PITPNC1: variants seen among roughly 807,000 people sequenced by gnomAD.
The protein encoded by PITPNC1 is cytoplasmic phosphatidylinositol transfer protein 1.
In PITPNC1, 18 loss-of-function variants were observed where a neutral mutation model predicts 44.7. That is an observed-to-expected ratio of 0.40 (90% CI 0.28 to 0.60). PITPNC1 has a LOEUF of 0.60. PITPNC1 is among the 20% of genes least tolerant of loss of function. The probability of loss-of-function intolerance (pLI) is 0.39; values close to 1 mark genes in which losing one functional copy is unlikely to be tolerated. For synonymous variants in PITPNC1, 141 were observed against 149.6 expected (o/e 0.94, Z 0.42); for missense variants, 290 against 418.4 (o/e 0.69, Z 2.68).
intron 1 of PITPNC1, among the ~76,000 whole-genome samples, chr17:67,426,581 G>A (rs1431965297): frequency 6.6e-6 from 1 of 151,914 alleles, no homozygotes; most frequent in East Asian, 1.9e-4. Context: ...ACACAGGGAG[G>A]GGAACAACAC....
chr17:67,674,759 A>T (rs752487249), intron 7 of PITPNC1, among the ~76,000 whole-genome samples: 56 of 152,198 alleles, frequency 3.7e-4, no homozygotes, highest in Admixed American at 1.0e-3. Context: ...CACATCTGTG[A>T]TCCCGGCAGT....
At chr17:67,629,013 C>A (rs1359266524) in intron 5 of PITPNC1, among the ~76,000 whole-genome samples, 4 of 152,110 alleles carry the variant, frequency 2.6e-5, no homozygotes, top group Non-Finnish European at 2.9e-5. Context: ...ATAAGGGCGA[C>A]TTTGGAGCTA....
intron 1 of PITPNC1, among the ~76,000 whole-genome samples, chr17:67,482,711 G>C (rs2144029831): frequency 6.6e-6 from 1 of 152,284 alleles, no homozygotes; most frequent in South Asian, 2.1e-4. Flanking sequence ...AGGAAAATCT[G>C]GTTTCGGAAG....
At chr17:67,647,511 C>T (rs1453586280) in intron 6 of PITPNC1, among the ~76,000 whole-genome samples, 6 of 106,122 alleles carry the variant, frequency 5.7e-5, no homozygotes, top group African/African-American at 2.3e-4. Context: ...CGGGGTTTCA[C>T]CATGTTAGGT....
intron 2 of PITPNC1, among the ~76,000 whole-genome samples, chr17:67,545,836 T>C (rs1444888756): frequency 1.3e-5 from 2 of 152,034 alleles, no homozygotes; most frequent in Admixed American, 1.3e-4. Context: ...GGGGTTGCAA[T>C]AGTGAACAGA....
chr17:67,634,718 T>G (rs1020927463), intron 6 of PITPNC1, among the ~76,000 whole-genome samples: 4 of 152,010 alleles, frequency 2.6e-5, no homozygotes, highest in African/African-American at 7.2e-5. Context: ...ATAAGGAAAC[T>G]GAATTTAAGA....
At chr17:67,463,887 C>T (rs11651730) in intron 1 of PITPNC1, among the ~76,000 whole-genome samples, 3,814 of 150,868 alleles carry the variant, frequency 0.025, 76 homozygotes, top group Non-Finnish European at 0.04. Flanking sequence ...GAGTGAGACC[C>T]CATTTCAAAA....
At chr17:67,664,589 C>G (rs773185078) in intron 6 of PITPNC1, among the ~76,000 whole-genome samples, 1 of 151,994 alleles carries the variant, frequency 6.6e-6, no homozygotes, top group Admixed American at 6.6e-5. Context: ...TGTTTCTCGG[C>G]GACCTGTATA....
intron 6 of PITPNC1, among the ~76,000 whole-genome samples, chr17:67,640,579 C>A (rs1233418401): frequency 1.3e-5 from 2 of 150,306 alleles, no homozygotes; most frequent in African/African-American, 4.9e-5. Context: ...ACTCAGGAGG[C>A]TGAGGCAGGA....
intron 5 of PITPNC1, 57 bp downstream of exon 5, chr17:67,578,314 A>G: frequency 8.5e-7 from 1 of 1,183,404 alleles, no homozygotes; most frequent in Non-Finnish European, 1.3e-6. Flanking sequence ...ATATCACAGC[A>G]CTTCTCACAG....
chr17:67,390,223 G>C (rs530033494), intron 1 of PITPNC1, among the ~76,000 whole-genome samples: 3 of 152,318 alleles, frequency 2.0e-5, no homozygotes, highest in East Asian at 3.9e-4. Context: ...ACCAGATTTG[G>C]ACCAGAATGA....
At chr17:67,494,353 C>G (rs1222669559) in intron 1 of PITPNC1, among the ~76,000 whole-genome samples, 1 of 151,822 alleles carries the variant, frequency 6.6e-6, no homozygotes, top group Non-Finnish European at 1.5e-5. Flanking sequence ...GCACCTGCTA[C>G]CACGTCTGGC....
chr17:67,474,483 C>T (rs2039597042), intron 1 of PITPNC1, among the ~76,000 whole-genome samples: 2 of 152,102 alleles, frequency 1.3e-5, no homozygotes, highest in South Asian at 2.1e-4. Context: ...TGTGTCGCAG[C>T]ATCCCTGGCC....
chr17:67,476,537 AT>A (rs1239941215), intron 1 of PITPNC1, among the ~76,000 whole-genome samples: 2 of 152,194 alleles, frequency 1.3e-5, no homozygotes, highest in African/African-American at 2.4e-5. Context: ...AAGAGCTGGA[AT>A]TAGTTCAGCC....
intron 5 of PITPNC1, among the ~76,000 whole-genome samples, chr17:67,582,757 C>T (rs2706702): frequency 0.44 from 66,596 of 152,038 alleles, 15,289 homozygotes; most frequent in South Asian, 0.61. Context: ...ATGAGAATTA[C>T]TTGGGCCTTC....
At chr17:67,599,029 TA>T (rs1252093665) in intron 5 of PITPNC1, among the ~76,000 whole-genome samples, 18 of 31,322 alleles carry the variant, frequency 5.7e-4, no homozygotes, top group East Asian at 4.2e-3. Context: ...TATATATATA[TA>T]TATATTTTTT....
intron 1 of PITPNC1, among the ~76,000 whole-genome samples, chr17:67,482,681 G>C (rs1371138764): frequency 6.6e-6 from 1 of 152,090 alleles, no homozygotes; most frequent in Non-Finnish European, 1.5e-5. Context: ...GGAACCATTT[G>C]GTGCTTTGGT....
chr17:67,503,840 T>C (rs2040067305), intron 1 of PITPNC1, among the ~76,000 whole-genome samples: 1 of 152,154 alleles, frequency 6.6e-6, no homozygotes, highest in Admixed American at 6.5e-5. Context: ...GAATTCAGGC[T>C]TTCTTTACGC....
intron 1 of PITPNC1, among the ~76,000 whole-genome samples, chr17:67,415,665 T>C (rs1258757433): frequency 6.6e-6 from 1 of 152,258 alleles, no homozygotes; most frequent in Non-Finnish European, 1.5e-5. Context: ...GACATGGTTA[T>C]ATAATGGCCT....
Sources: allele counts gnomAD v4.1 joint callset (sites outside exome capture counted in the v4.1 genomes callset), GRCh38; gene constraint gnomAD v4.1.1; transcripts MANE v1.5; gene names NCBI Gene and HGNC (gene_info 2026-07-23, HGNC 2026-07-21).